Variants in SPDYA observed in about 807,000 individuals in gnomAD.
The protein encoded by SPDYA is speedy/RINGO cell cycle regulator family member A.
A neutral mutation model predicts 36.7 loss-of-function variants in SPDYA; 11 were observed. The observed-to-expected ratio is 0.30, with a 90% CI of 0.19 to 0.50. The LOEUF (loss-of-function observed/expected upper bound fraction) is 0.50, where lower values mean the gene tolerates loss of function less well. SPDYA is among the 20% of genes least tolerant of loss of function. The pLI, the probability that SPDYA is intolerant of heterozygous loss-of-function variation, is 0.98. For synonymous variants in SPDYA, 115 were observed against 118.7 expected, an observed-to-expected ratio of 0.97 and a Z score of 0.20; for missense variants, 287 against 370.9, an observed-to-expected ratio of 0.77 and a Z score of 1.86.
chr2:28,847,981 A>T (rs1249285851), intron 7 of SPDYA, among the ~76,000 whole-genome samples: 1 of 152,180 alleles, frequency 6.6e-6, no homozygotes, highest in Non-Finnish European at 1.5e-5. Flanking sequence ...TATACCATAT[A>T]ACCTAGGTGT....
At chr2:28,836,711 T>G (rs551630076) in intron 6 of SPDYA, among the ~76,000 whole-genome samples, 52 of 152,326 alleles carry the variant, frequency 3.4e-4, no homozygotes, top group African/African-American at 1.2e-3. Flanking sequence ...CCTCATTCCT[T>G]TTTGGAAAGA....
chr2:28,812,632 C>T (rs183038188), intron 1 of SPDYA, among the ~76,000 whole-genome samples: 66 of 151,716 alleles, frequency 4.4e-4, no homozygotes, highest in African/African-American at 1.5e-3. Flanking sequence ...CGAGGCGGGC[C>T]GATCACCTCA....
chr2:28,822,408 T>C lies in SPDYA; in HGVS notation c.378T>C (p.Ala126=), dbSNP rs770286334. Residue 126 remains alanine, a splice_region_variant and synonymous_variant, in exon 5 of 8, where the codon GCT becomes GCC. Transcript: ENST00000334056. ...SEHTRINFFI[A]LYLANTVEED... ...ATACCAGGATAAATTTCTTTATTGC[T>C]CTGTAAGTATACTTTCTACTAAGTG... 6.7e-7 allele frequency: 1 copy of C among 1,485,438 alleles called. No individual in the cohort carries two copies. Among genetic ancestry groups the C allele is most frequent in the East Asian group, 2.3e-5 (1 of 43,350 alleles). The allele number at this position is 1,485,438 out of a possible 1,614,324, so 92.0% of individuals were successfully genotyped here. A position where few individuals can be genotyped will look rare whatever the true frequency, so the allele number is the denominator to read the frequency against.
chr2:28,814,713 T>C (rs1256277217), intron 2 of SPDYA, 27 bp downstream of exon 2: 1 of 152,194 alleles, frequency 6.6e-6, no homozygotes, highest in South Asian at 2.1e-4. Flanking sequence ...CACTGTGAGG[T>C]TGCATTCAGA....
chr2:28,813,620 C>T (rs1051319747), intron 1 of SPDYA, among the ~76,000 whole-genome samples: 2 of 150,642 alleles, frequency 1.3e-5, no homozygotes, highest in Non-Finnish European at 2.9e-5. Flanking sequence ...GGCATGATCT[C>T]GGCTCACTGC....
chr2:28,830,358 C>G (rs1191250513), intron 6 of SPDYA, among the ~76,000 whole-genome samples: 1 of 151,920 alleles, frequency 6.6e-6, no homozygotes, highest in Non-Finnish European at 1.5e-5. Context: ...CGCCCGCCAC[C>G]ATGCCTGGCT....
At chr2:28,841,952 A>G (rs1668760817) in intron 7 of SPDYA, 1 of 152,172 alleles carries the variant, frequency 6.6e-6, no homozygotes, top group Non-Finnish European at 1.5e-5. Flanking sequence ...CTGAATGTTT[A>G]CAATGTCCAA....
At chr2:28,824,496 A>C (rs1283704533) in intron 5 of SPDYA, among the ~76,000 whole-genome samples, 9 of 149,648 alleles carry the variant, frequency 6.0e-5, no homozygotes, top group East Asian at 3.9e-4. Context: ...AAAAAACAAA[A>C]AAAAAAAACA....
At chr2:28,822,586 A>G (rs562785703) in intron 5 of SPDYA, among the ~76,000 whole-genome samples, 176 bp downstream of exon 5, 1 of 152,122 alleles carries the variant, frequency 6.6e-6, no homozygotes, top group Non-Finnish European at 1.5e-5. Flanking sequence ...TTATCATGCT[A>G]TATGCCTAAG....
chr2:28,830,401 C>T (rs1001479112), intron 6 of SPDYA, among the ~76,000 whole-genome samples: 2 of 151,860 alleles, frequency 1.3e-5, no homozygotes, highest in African/African-American at 2.4e-5. Flanking sequence ...GACGGGGTTT[C>T]GCCGTGTTAG....
rs1244413926 is a variant in SPDYA at position 28,823,751 on chromosome 2, T to TA, written c.380+1341_380+1342insA. On this transcript the variant is annotated intron_variant, in intron 5 of 7. Transcript: ENST00000334056. ...TATATATATATATATATATAAAATT[T>TA]TTTTTTTTTTTTGAGATGGAGTCTC... Among the ~76,000 whole-genome samples the TA allele has an allele frequency of 2.0e-4, 18 of 91,078 alleles. 1 individual carries two copies. Among genetic ancestry groups the TA allele is most frequent in the African/African-American group, 5.4e-4 (15 of 27,568 alleles). The allele number at this position is 91,078 out of a possible 152,430, so 59.8% of individuals were successfully genotyped here. A position where few individuals can be genotyped will look rare whatever the true frequency, so the allele number is the denominator to read the frequency against.
intron 1 of SPDYA, among the ~76,000 whole-genome samples, chr2:28,813,444 G>T (rs1188706481): frequency 6.6e-6 from 1 of 151,934 alleles, no homozygotes. Context: ...CCCAAGTCTA[G>T]CCCCAACACT....
chr2:28,823,688 G>C (rs1668228897), intron 5 of SPDYA, among the ~76,000 whole-genome samples: 1 of 105,766 alleles, frequency 9.5e-6, no homozygotes, highest in African/African-American at 3.4e-5. Context: ...TAATGCTGTA[G>C]TTGGGAATGC....
intron 7 of SPDYA, among the ~76,000 whole-genome samples, chr2:28,843,270 C>T (rs760477126): frequency 3.9e-5 from 6 of 151,962 alleles, no homozygotes; most frequent in South Asian, 4.1e-4. Context: ...CTTTTGGGGC[C>T]GGGCACGGTG....
At chr2:28,814,310 T>G (rs1021887374) in intron 1 of SPDYA, among the ~76,000 whole-genome samples, 2 of 152,068 alleles carry the variant, frequency 1.3e-5, no homozygotes, top group Non-Finnish European at 2.9e-5. Flanking sequence ...CAGAACAGAT[T>G]TGTATATAAG....
intron 6 of SPDYA, among the ~76,000 whole-genome samples, chr2:28,838,957 G>T (rs761448059): frequency 4.6e-5 from 7 of 152,290 alleles, no homozygotes; most frequent in Non-Finnish European, 8.8e-5. Context: ...TTTACTTTGG[G>T]TCATTGATGA....
At chr2:28,819,333 A>AC (rs1357034292) in intron 4 of SPDYA, among the ~76,000 whole-genome samples, 1 of 151,908 alleles carries the variant, frequency 6.6e-6, no homozygotes, top group Non-Finnish European at 1.5e-5. Flanking sequence ...ACATAGTGAG[A>AC]CCCCCATCTC....
At chr2:28,813,262 C>T (rs891319993) in intron 1 of SPDYA, among the ~76,000 whole-genome samples, 6 of 152,152 alleles carry the variant, frequency 3.9e-5, no homozygotes, top group South Asian at 2.1e-4. Flanking sequence ...AGTGTAAAGA[C>T]GCCTACTGTG....
In SPDYA at chr2:28,850,428, C is replaced by CTATA; in HGVS notation, c.*488_*491dup. The CTATA allele has an allele frequency of 2.1e-6, 3 of 1,422,550 alleles. No homozygotes were observed. In the South Asian group the frequency reaches 3.8e-5, roughly 18 times the overall value. The allele number at this position is 1,422,550 out of a possible 1,614,324, so 88.1% of individuals were successfully genotyped here. On this transcript the variant is annotated 3_prime_UTR_variant, in exon 8 of 8. Transcript: ENST00000334056. ...CTTCTGTTGTAAAAAAATATATGTACTATAAGCTACATAAAATATTTTCTA... is the reference window on the plus strand; with the variant it reads ...CTTCTGTTGTAAAAAAATATATGTACTATATATAAGCTACATAAAATATTTTCTA...
Sources: allele counts gnomAD v4.1 joint callset (sites outside exome capture counted in the v4.1 genomes callset), GRCh38; gene constraint gnomAD v4.1.1; transcripts MANE v1.5; gene names NCBI Gene and HGNC (gene_info 2026-07-23, HGNC 2026-07-21).